The following ANKLE1 variants were observed in gnomAD, a reference collection of about 807,000 sequenced individuals.
ANKLE1 encodes structure-specific endonuclease ANKLE1.
Under a neutral mutation model 56.2 loss-of-function variants are expected in ANKLE1, and 59 were observed. The ratio of observed to expected loss-of-function variants is 1.05; its 90% CI spans 0.85 to 1.30. The LOEUF is 1.30. ANKLE1 is among the 50% of genes most tolerant of loss of function. The probability of loss-of-function intolerance (pLI) is 0.00; values close to 1 mark genes in which losing one functional copy is unlikely to be tolerated. For missense variants in ANKLE1, 771 were observed against 816.1 expected, an observed-to-expected ratio of 0.94 and a Z score of 0.67; for synonymous variants, 341 against 352.9, an observed-to-expected ratio of 0.97 and a Z score of 0.38.
chr19:17,286,685 TGTGTGTTTG>T lies in ANKLE1; in HGVS notation c.*134_*142del, dbSNP rs1203190181. 19 of 710,466 alleles carry T rather than the reference TGTGTGTTTG, an allele frequency of 2.7e-5. No homozygotes were observed. In the Admixed American group the frequency reaches 3.5e-4, roughly 13 times the overall value. The allele number at this position is 710,466 out of a possible 1,614,324, so 44.0% of individuals were successfully genotyped here. ...GTGTGTGTGTGTGTGTGTGTGTGTG[TGTGTGTTTG>T]TGTGTGTGTGTGTGTGTGTAGGGAG... On this transcript the variant is annotated 3_prime_UTR_variant, in exon 9 of 9. Transcript: ENST00000404085.
In ANKLE1 at chr19:17,282,857, C is replaced by T. The variant is rs2145635814; in HGVS notation, c.322-7C>T. The T allele has an allele frequency of 6.3e-7, 1 of 1,588,222 alleles. No homozygotes were observed. Among genetic ancestry groups the T allele is most frequent in the Non-Finnish European group, 8.5e-7 (1 of 1,173,494 alleles). On this transcript the variant is annotated splice_region_variant and splice_polypyrimidine_tract_variant and intron_variant, in intron 3 of 8. Coordinates refer to ENST00000404085, the MANE Select transcript of ANKLE1 (RefSeq NM_152363.6). ...TCGGGCGCCCCCTGCTGACCGCGCC[C>T]CTGTAGGACGGACTCCGGCCGCTGG...
Position 17,286,671 on chromosome 19 carries a change from TG to T in ANKLE1, c.*120del, listed in dbSNP as rs775019469. The T allele has an allele frequency of 8.5e-6, 12 of 1,419,260 alleles. No individual in the cohort carries two copies. Among genetic ancestry groups the T allele is most frequent in the Admixed American group, 2.3e-5 (1 of 44,044 alleles). 87.9% of individuals were successfully genotyped at this position (1,419,260 alleles called of 1,614,324 possible). On this transcript the variant is annotated 3_prime_UTR_variant, in exon 9 of 9. Transcript: ENST00000404085. ...GGGTGTGTGTGTGTGTGTGTGTGTGTGTGTGTGTGTGTGTGTGTGTTTGTGT... is the reference window on the plus strand; with the variant it reads ...GGGTGTGTGTGTGTGTGTGTGTGTGTTGTGTGTGTGTGTGTGTGTTTGTGT...
chr19:17,286,655 T>G lies in ANKLE1; in HGVS notation c.*103T>G. 1.5e-6 allele frequency: 1 copy of G among 650,930 alleles called. No individual in the cohort carries two copies. The highest frequency in any genetic ancestry group is 2.3e-6 in the Non-Finnish European group (1 of 434,216). 40.3% of individuals were successfully genotyped at this position (650,930 alleles called of 1,614,324 possible). Reference sequence around the variant, plus strand: ...TCTCTGGTTTCAGAAGGGGTGTGTGTGTGTGTGTGTGTGTGTGTGTGTGTG... The same window carrying G: ...TCTCTGGTTTCAGAAGGGGTGTGTGGGTGTGTGTGTGTGTGTGTGTGTGTG... On this transcript the variant is annotated 3_prime_UTR_variant, in exon 9 of 9. Coordinates refer to ENST00000404085, the MANE Select transcript of ANKLE1 (RefSeq NM_152363.6).
In ANKLE1 at chr19:17,283,675, A is replaced by G. The variant is rs146661087; in HGVS notation, c.911A>G (p.His304Arg). 4.3e-6 allele frequency: 7 copies of G among 1,613,452 alleles called. No individual in the cohort carries two copies. The highest frequency in any genetic ancestry group is 2.2e-5 in the East Asian group (1 of 44,866). Residue 304 changes from histidine to arginine, a missense_variant, in exon 5 of 9, where the codon CAT (histidine) becomes CGT (arginine). By Grantham distance (29) the His-to-Arg change is conservative (BLOSUM62 0). Transcript: ENST00000404085. ...SMPLLDRSPA[H>R]SPPRTPTPGA... ...CCTCTCCTGGACAGGAGTCCAGCTCATAGCCCCCCACGGACACCAACCCCT... is the reference window on the plus strand; with the variant it reads ...CCTCTCCTGGACAGGAGTCCAGCTCGTAGCCCCCCACGGACACCAACCCCT...
chr19:17,284,448 G>A (rs915572756), intron 6 of ANKLE1, among the ~76,000 whole-genome samples, 182 bp downstream of exon 6: 4 of 151,918 alleles, frequency 2.6e-5, no homozygotes, highest in African/African-American at 7.3e-5. Context: ...CAATGGTGCC[G>A]TCTCGGCTCA....
At chr19:17,286,325 G>T (rs1418772111) in intron 8 of ANKLE1, 55 bp from the exon 9 acceptor site, 1 of 1,512,994 alleles carries the variant, frequency 6.6e-7, no homozygotes, top group Admixed American at 2.2e-5. Flanking sequence ...CACTTCTGCT[G>T]GATGGGGAGG....
intron 3 of ANKLE1, 37 bp from the exon 4 acceptor site, chr19:17,282,827 G>A (rs1415610384): frequency 1.1e-5 from 18 of 1,582,928 alleles, no homozygotes; most frequent in Non-Finnish European, 1.5e-5. Context: ...GAAGGTAAGA[G>A]GGCCTCGGGC....
rs766075699 is a variant in ANKLE1, at chr19:17,282,776, C to T, written c.321+15C>T. 6.4e-7 allele frequency: 1 copy of T among 1,557,278 alleles called. No individual in the cohort carries two copies. The highest frequency in any genetic ancestry group is 1.9e-5 in the Admixed American group (1 of 52,818). ...TGCGCGACCAGGTTGGGAGGCACTG[C>T]GCGGGCAAAGAAAGGCTGGGTGAGC... On this transcript the variant is annotated intron_variant, in intron 3 of 8. Coordinates refer to ENST00000404085, the MANE Select transcript of ANKLE1 (RefSeq NM_152363.6).
At chr19:17,286,253 G>A (rs2074029211) in intron 8 of ANKLE1, 127 bp from the exon 9 acceptor site, 3 of 1,285,854 alleles carry the variant, frequency 2.3e-6, no homozygotes, top group East Asian at 2.5e-5. Context: ...GGCTTCATGT[G>A]ATCTACCCAA....
At chr19:17,282,442 G>T in intron 2 of ANKLE1, 1 of 833,542 alleles carries the variant, frequency 1.2e-6, no homozygotes, top group East Asian at 2.7e-5. Context: ...GGGGATCAAG[G>T]GTTCGGATAT....
chr19:17,286,387 G>A lies in ANKLE1; in HGVS notation c.1683G>A (p.Gln561=). The change falls in exon 9 of 9, where the codon CAG becomes CAA. Residue 561 remains glutamine (Q), a synonymous_variant. Transcript: ENST00000404085. ...CACATCCAATTTCTCCAGGGATCCAGACGCTCACCAACCAGAAGCAAGGGC... is the reference window on the plus strand; with the variant it reads ...CACATCCAATTTCTCCAGGGATCCAAACGCTCACCAACCAGAAGCAAGGGC... ...EACIVEALGI[Q]TLTNQKQGHC... is the part of the protein sequence containing the mutation. 4 of 1,566,990 alleles carry A rather than the reference G, an allele frequency of 2.6e-6. No individual in the cohort carries two copies. The highest frequency in any genetic ancestry group is 2.1e-4 in the Middle Eastern group (1 of 4,792).
In ANKLE1 at chr19:17,282,965, C is replaced by A. The variant is rs372330049; in HGVS notation, c.423C>A (p.Ile141=). ...CGCGGACCAGGACCCGGACCCGGAT[C>A]GGGGCAGAGACTCAGGAGCCCGAGC... ...LDTRTRTRTR[I]GAETQEPEPA... The change falls in exon 4 of 9, where the codon ATC becomes ATA. Residue 141 remains isoleucine (I), a synonymous_variant. Transcript: ENST00000404085. 12 of 1,566,792 alleles carry A rather than the reference C, an allele frequency of 7.7e-6. No individual in the cohort carries two copies. The highest frequency in any genetic ancestry group is 1.3e-5 in the African/African-American group (1 of 74,158).
chr19:17,283,223 A>C lies in ANKLE1; in HGVS notation c.461-2A>C, dbSNP rs368682290. 6.2e-7 allele frequency: 1 copy of C among 1,601,050 alleles called. No individual in the cohort carries two copies. Among genetic ancestry groups the C allele is most frequent in the Non-Finnish European group, 8.5e-7 (1 of 1,171,700 alleles). ...CTCTCTGGCCCCCACTCTCACCTGC[A>C]GCCCCAGGCCTCTCTGGACCTACCG... On this transcript the variant is annotated splice_acceptor_variant, in intron 4 of 8. Transcript: ENST00000404085. LOFTEE classifies it high-confidence loss of function.
At position 17,286,700 on chromosome 19, in the gene ANKLE1, G is replaced by T. The variant is rs945795371; in HGVS notation, c.*148G>T. The T allele has an allele frequency of 3.5e-5, 46 of 1,316,250 alleles. No individual in the cohort carries two copies. The highest frequency in any genetic ancestry group is 1.9e-4 in the Middle Eastern group (1 of 5,322). The allele number at this position is 1,316,250 out of a possible 1,614,324, so 81.5% of individuals were successfully genotyped here. On this transcript the variant is annotated 3_prime_UTR_variant, in exon 9 of 9. Coordinates refer to ENST00000404085, the MANE Select transcript of ANKLE1 (RefSeq NM_152363.6). ...TGTGTGTGTGTGTGTGTTTGTGTGT[G>T]TGTGTGTGTGTGTAGGGAGCACCCA...
Position 17,282,650 on chromosome 19 carries a change from C to T in ANKLE1, c.216-6C>T, listed in dbSNP as rs2073985034. ...CGCAATGACCCCTCTTGCGCTGCCG[C>T]CCCAGATCTGTCGAGGCACTGACGC... On this transcript the variant is annotated splice_polypyrimidine_tract_variant and splice_region_variant and intron_variant, in intron 2 of 8. Coordinates refer to ENST00000404085, the MANE Select transcript of ANKLE1 (RefSeq NM_152363.6). The T allele has an allele frequency of 6.5e-7, 1 of 1,533,872 alleles. No individual in the cohort carries two copies. The highest frequency in any genetic ancestry group is 2.0e-5 in the Admixed American group (1 of 50,972).
rs754207976 is a variant in ANKLE1 at position 17,283,255 on chromosome 19, C to T, written c.491C>T (p.Thr164Met). 1.2e-6 allele frequency: 2 copies of T among 1,612,878 alleles called. No homozygotes were observed. Among genetic ancestry groups the T allele is most frequent in the East Asian group, 2.2e-5 (1 of 44,868 alleles). Residue 164 changes from threonine (T) to methionine (M), a missense_variant, in exon 5 of 9, where the codon ACG becomes ATG. Thr to Met is a moderately conservative substitution (Grantham distance 81). Transcript: ENST00000404085. Reference protein sequence around the residue: ...TPGLSGPTDETLDSIALQKQP... With the variant: ...TPGLSGPTDEMLDSIALQKQP... ...GGCCTCTCTGGACCTACCGATGAGA[C>T]GCTGGACTCCATAGCACTCCAAAAG... is the stretch of plus-strand genomic sequence containing the variant.
rs189411116 is a variant in ANKLE1, at chr19:17,286,871, G to A, written c.*319G>A. 1.3e-3 allele frequency: 1,442 copies of A among 1,098,174 alleles called. 3 individuals are homozygous for A. The highest frequency in any genetic ancestry group is 2.8e-3 in the South Asian group (110 of 39,170). 68.0% of individuals were successfully genotyped at this position (1,098,174 alleles called of 1,614,324 possible). A position where few individuals can be genotyped will look rare whatever the true frequency, so the allele number is the denominator to read the frequency against. ...ACAGTCCGGTGCTTCTGTAAGAGGC[G>A]TTTGAACCTGGGCAACTCCACCTGG... On this transcript the variant is annotated 3_prime_UTR_variant, in exon 9 of 9. Coordinates refer to ENST00000404085, the MANE Select transcript of ANKLE1 (RefSeq NM_152363.6).
intron 2 of ANKLE1, 83 bp downstream of exon 2, chr19:17,282,292 C>A (rs2073981899): frequency 7.8e-7 from 1 of 1,285,066 alleles, no homozygotes; most frequent in Non-Finnish European, 9.7e-7. Context: ...TCATCCCGGG[C>A]CAGGCCTCGG....
chr19:17,286,650 GTGT>G lies in ANKLE1; in HGVS notation c.*99_*101del, dbSNP rs2145643049. On this transcript the variant is annotated 3_prime_UTR_variant, in exon 9 of 9. Coordinates refer to ENST00000404085, the MANE Select transcript of ANKLE1 (RefSeq NM_152363.6). Reference sequence around the variant, plus strand: ...CCCCATCTCTGGTTTCAGAAGGGGTGTGTGTGTGTGTGTGTGTGTGTGTGTGTG... The same window carrying G: ...CCCCATCTCTGGTTTCAGAAGGGGTGGTGTGTGTGTGTGTGTGTGTGTGTG... 1.4e-5 allele frequency: 7 copies of G among 513,798 alleles called. No individual in the cohort carries two copies. The highest frequency in any genetic ancestry group is 1.0e-4 in the East Asian group (2 of 19,726). The allele number at this position is 513,798 out of a possible 1,614,324, so 31.8% of individuals were successfully genotyped here.
Sources: allele counts gnomAD v4.1 joint callset (sites outside exome capture counted in the v4.1 genomes callset), GRCh38; gene constraint gnomAD v4.1.1; transcripts MANE v1.5; gene names NCBI Gene and HGNC (gene_info 2026-07-23, HGNC 2026-07-21).